The following TLR8 variants were observed in gnomAD, a reference collection of about 807,000 sequenced individuals.
The protein encoded by TLR8 is toll-like receptor 8.
A neutral mutation model predicts 18.5 loss-of-function variants in TLR8; 5 were observed. The observed-to-expected ratio is 0.27, with a 90% CI of 0.14 to 0.57. The LOEUF is 0.57. Ranked by LOEUF, TLR8 falls within the 20% of genes least tolerant of loss-of-function variation. The pLI is 0.92. For missense variants in TLR8, 543 were observed against 769.8 expected (o/e 0.71, Z 3.49); for synonymous variants, 299 against 300.1 (o/e 1.00, Z 0.04).
rs774911402 is a variant in TLR8 at position 12,920,561 on chromosome X, T to C, written c.1521T>C (p.Ile507=). 33 of 1,210,194 alleles carry C rather than the reference T, an allele frequency of 2.7e-5. No homozygotes were observed. The Admixed American group carries it at 6.8e-4, about 25-fold the overall frequency. The stretch of plus-strand genomic sequence containing the variant: ...ACCAATTTGAAAATCTTCCTGACAT[T>C]GCCTGTTTAAATCTGTCTGCAAATA... ...GPNQFENLPD[I]ACLNLSANSN... The change falls in exon 2 of 2, where the codon ATT becomes ATC. Residue 507 remains isoleucine, a synonymous_variant. Coordinates refer to ENST00000218032, the MANE Select transcript of TLR8 (RefSeq NM_138636.5).
chrX:12,908,382 G>C (rs767968184), intron 1 of TLR8: 1 of 112,206 alleles, frequency 8.9e-6, no homozygotes, highest in African/African-American at 3.2e-5. Flanking sequence ...GGTAAATAGA[G>C]TAATAATAAA....
rs5744043 is a variant in TLR8 at position 12,906,628 on chromosome X, T to C, written c.-79T>C. The C allele has an allele frequency of 0.036, 33,576 of 934,100 alleles. 481 individuals carry two copies. Among genetic ancestry groups the C allele is most frequent in the Non-Finnish European group, 0.038 (27,007 of 719,020 alleles). 77.0% of individuals were successfully genotyped at this position (934,100 alleles called of 1,213,427 possible). The stretch of plus-strand genomic sequence containing the variant: ...ATTTCAGGAAGTTAGCCAGTTTCTC[T>C]TCTCGGCCACCTCCTGCATAGAGGG... On this transcript the variant is annotated 5_prime_UTR_variant, in exon 1 of 2. Transcript: ENST00000218032.
chrX:12,922,282 A>G lies in TLR8; in HGVS notation c.*116A>G. 1.0e-6 allele frequency: 1 copy of G among 984,239 alleles called. No individual in the cohort carries two copies. The allele number at this position is 984,239 out of a possible 1,213,427, so 81.1% of individuals were successfully genotyped here. The stretch of plus-strand genomic sequence containing the variant: ...CCAAAACTTAGTGGTTTAAAACAAC[A>G]CATTTGCTGGCCCACAGTTTTTGAG... On this transcript the variant is annotated 3_prime_UTR_variant, in exon 2 of 2. Coordinates refer to ENST00000218032, the MANE Select transcript of TLR8 (RefSeq NM_138636.5).
rs763377055 is a variant in TLR8 at position 12,916,088 on chromosome X, C to T, written c.4-2956C>T. On this transcript the variant is annotated intron_variant, in intron 1 of 1. Transcript: ENST00000218032. The stretch of plus-strand genomic sequence containing the variant: ...TAGAGACAGTGTTTCTCTATGTTGG[C>T]CAGGCTGGTCTCGAACTCCCGACCT... 8.5e-3 allele frequency among the ~76,000 whole-genome samples: 945 copies of T among 110,994 alleles called. 4 individuals are homozygous for T. The highest frequency in any genetic ancestry group is 0.013 in the Non-Finnish European group (692 of 52,957).
At chrX:12,910,329 G>C in intron 1 of TLR8, 1 of 1,162,587 alleles carries the variant, frequency 8.6e-7, no homozygotes, top group Non-Finnish European at 1.1e-6. Flanking sequence ...TTCAGTGTTA[G>C]GGAACATCAG....
intron 1 of TLR8, among the ~76,000 whole-genome samples, chrX:12,915,462 G>C: frequency 8.9e-6 from 1 of 112,849 alleles, no homozygotes; most frequent in Admixed American, 9.3e-5. Context: ...CACTGTGCCT[G>C]GTCCACTCTG....
chrX:12,910,171 G>T, intron 1 of TLR8: 2 of 489,847 alleles, frequency 4.1e-6, no homozygotes, highest in Non-Finnish European at 6.4e-6. Flanking sequence ...TGTTAACTGC[G>T]AATGAATCAG....
rs759064119 is a variant in TLR8 at position 12,918,298 on chromosome X, A to G, written c.4-746A>G. On this transcript the variant is annotated intron_variant, in intron 1 of 1. Coordinates refer to ENST00000218032, the MANE Select transcript of TLR8 (RefSeq NM_138636.5). ...TGCCTAGAAGATCTAGGATGATACC[A>G]TATTAGAAGTTGCATCTGAACTCTC... Among the ~76,000 whole-genome samples the G allele has an allele frequency of 5.4e-5, 6 of 111,930 alleles. No homozygotes were observed. The East Asian group carries it at 1.4e-3, about 26-fold the overall frequency.
intron 1 of TLR8, among the ~76,000 whole-genome samples, chrX:12,907,758 C>T (rs1486125479): frequency 9.0e-6 from 1 of 110,619 alleles, no homozygotes; most frequent in Non-Finnish European, 1.9e-5. Context: ...AACTCCTGAC[C>T]TCAGGTGATC....
Position 12,908,881 on chromosome X carries a change from T to G in TLR8, c.3+2172T>G, listed in dbSNP as rs758098271. Among the ~76,000 whole-genome samples, 4 of 112,217 alleles carry G rather than the reference T, an allele frequency of 3.6e-5. No individual in the cohort carries two copies. The South Asian group carries it at 1.5e-3, about 42-fold the overall frequency. On this transcript the variant is annotated intron_variant, in intron 1 of 1. Transcript: ENST00000218032. Reference sequence around the variant, plus strand: ...TCATTCTCCTCTTTCAATCACTGCTTCTCATCCTTTCATTATAATAATCTA... The same window carrying G: ...TCATTCTCCTCTTTCAATCACTGCTGCTCATCCTTTCATTATAATAATCTA...
intron 1 of TLR8, among the ~76,000 whole-genome samples, chrX:12,918,059 G>A (rs755056936): frequency 8.4e-4 from 94 of 112,230 alleles, no homozygotes; most frequent in African/African-American, 1.7e-3. Context: ...GACCTACTGC[G>A]TCATGTTCTT....
chrX:12,918,812 G>T (rs2043072999), intron 1 of TLR8, among the ~76,000 whole-genome samples: 2 of 111,902 alleles, frequency 1.8e-5, no homozygotes, highest in Admixed American at 1.9e-4. Flanking sequence ...TGGGATTACA[G>T]GTGTGAGCCA....
At position 12,921,110 on chromosome X, in the gene TLR8, C is replaced by T. The variant is rs916767414; in HGVS notation, c.2070C>T (p.Leu690=). The T allele has an allele frequency of 8.3e-7, 1 of 1,209,674 alleles. No homozygotes were observed. The highest frequency in any genetic ancestry group is 1.7e-5 in the African/African-American group (1 of 57,194). ...CATTACTCCAGCAGTTTCCTCGTCT[C>T]GAGTTGCTTGACTTACGTGGAAACA... ...NWTLLQQFPR[L]ELLDLRGNKL... is the part of the protein sequence containing the mutation. The change falls in exon 2 of 2, where the codon CTC becomes CTT. Residue 690 remains leucine (L), a synonymous_variant. Coordinates refer to ENST00000218032, the MANE Select transcript of TLR8 (RefSeq NM_138636.5).
intron 1 of TLR8, among the ~76,000 whole-genome samples, chrX:12,917,798 C>T (rs894292382): frequency 2.7e-5 from 3 of 112,463 alleles, no homozygotes; most frequent in Admixed American, 9.4e-5. Context: ...GCTATTAATG[C>T]TAATGTTTGT....
intron 1 of TLR8, among the ~76,000 whole-genome samples, chrX:12,906,990 T>C (rs1226324243): frequency 8.9e-6 from 1 of 112,223 alleles, no homozygotes; most frequent in Non-Finnish European, 1.9e-5. Context: ...AAATTTCAAG[T>C]TAGAAATTGA....
intron 1 of TLR8, among the ~76,000 whole-genome samples, chrX:12,916,175 T>C (rs5741886): frequency 9.0e-6 from 1 of 110,886 alleles, no homozygotes; most frequent in African/African-American, 3.3e-5. Context: ...CCCAGTTGCC[T>C]TGACTAGGCC....
rs1036834344 is a variant in TLR8, at chrX:12,912,010, C to G, written c.3+5301C>G. Among the ~76,000 whole-genome samples, 6 of 112,475 alleles carry G rather than the reference C, an allele frequency of 5.3e-5. No individual in the cohort carries two copies. In the East Asian group the frequency reaches 1.1e-3, roughly 21 times the overall value. Reference sequence around the variant, plus strand: ...TCTATTCTTTTACTATGGCTTTAATCGGAGCACCCGACTGTTAGGTTCAAC... The same window carrying G: ...TCTATTCTTTTACTATGGCTTTAATGGGAGCACCCGACTGTTAGGTTCAAC... On this transcript the variant is annotated intron_variant, in intron 1 of 1. Coordinates refer to ENST00000218032, the MANE Select transcript of TLR8 (RefSeq NM_138636.5).
intron 1 of TLR8, chrX:12,910,503 A>C (rs2043013798): frequency 9.2e-7 from 1 of 1,091,403 alleles, no homozygotes; most frequent in South Asian, 2.0e-5. Flanking sequence ...CCTGCACTGC[A>C]CACTACGTGG....
chrX:12,912,516 A>G (rs890383367), intron 1 of TLR8, among the ~76,000 whole-genome samples: 2 of 113,532 alleles, frequency 1.8e-5, no homozygotes, highest in African/African-American at 3.2e-5. Context: ...AGCATTAGCA[A>G]TCCATTCCAA....
Sources: allele counts gnomAD v4.1 joint callset (sites outside exome capture counted in the v4.1 genomes callset), GRCh38; gene constraint gnomAD v4.1.1; transcripts MANE v1.5; gene names NCBI Gene and HGNC (gene_info 2026-07-23, HGNC 2026-07-21).